DENND2B: variants seen among roughly 807,000 people sequenced by gnomAD.
DENND2B encodes the protein DENN domain-containing protein 2B.
A neutral mutation model predicts 116.0 loss-of-function variants in DENND2B; 32 were observed. The observed-to-expected ratio is 0.28, with a 90% CI of 0.21 to 0.37. DENND2B has a LOEUF of 0.37. Among genes scored for constraint, DENND2B ranks in the 10% least tolerant of loss-of-function variants. DENND2B has a pLI of 1.00. For missense variants in DENND2B, 1,276 were observed against 1,477.7 expected (o/e 0.86, Z 2.24); for synonymous variants, 588 against 583.9 (o/e 1.01, Z -0.10).
rs545409577 is a variant in DENND2B, at chr11:8,726,149, A to G, written c.1401T>C (p.Thr467=). 1.8e-4 allele frequency: 288 copies of G among 1,614,086 alleles called. 5 individuals carry two copies. The South Asian group carries it at 3.0e-3, about 17-fold the overall frequency. The part of the protein sequence containing the change: ...SLQSLYPSSP[T]ENGTENQPKF... ...TGGGTTGGTTCTCAGTACCATTCTC[A>G]GTGGGAGAAGAGGGGTACAGGGACT... is the stretch of plus-strand genomic sequence containing the variant. Residue 467 remains threonine, a synonymous_variant, in exon 4 of 20, where the codon ACT becomes ACC. Transcript: ENST00000313726.
At chr11:8,785,151 C>T (rs1292338932) in intron 1 of DENND2B, 1 of 152,144 alleles carries the variant, frequency 6.6e-6, no homozygotes, top group African/African-American at 2.4e-5. Flanking sequence ...TACTTTTACC[C>T]CTAGGCTTTT....
At chr11:8,848,941 A>G (rs2062903456) in intron 3 of DENND2B, among the ~76,000 whole-genome samples, 1 of 152,150 alleles carries the variant, frequency 6.6e-6, no homozygotes, top group Non-Finnish European at 1.5e-5. Context: ...TATCCAGGGA[A>G]ATATCCATGA....
chr11:8,840,729 C>G (rs572782243), intron 3 of DENND2B, among the ~76,000 whole-genome samples: 269 of 152,278 alleles, frequency 1.8e-3, no homozygotes, highest in Non-Finnish European at 2.9e-3. Context: ...GTATCCAGCC[C>G]CACCCCACAT....
At chr11:8,874,745 AC>A (rs2063824364), upstream of DENND2B, among the ~76,000 whole-genome samples, 2 of 149,934 alleles carry the variant, frequency 1.3e-5, no homozygotes, top group African/African-American at 4.9e-5. Flanking sequence ...ACATAGTGAG[AC>A]CCCAGTCTTT....
upstream of DENND2B, among the ~76,000 whole-genome samples, chr11:8,875,958 A>G (rs1036499743): frequency 1.3e-5 from 2 of 152,154 alleles, no homozygotes; most frequent in Non-Finnish European, 2.9e-5. Context: ...AATAAATTAC[A>G]TGAGATATTC....
chr11:8,730,102 G>C lies in DENND2B; in HGVS notation c.1188C>G (p.Tyr396Ter). ...TACTCTTGGGGTTCTTGTCAGCCTC[G>C]TATTCAAAGGTGCGCTTGGGTTTGG... ...PVPKPKRTFE[Y>*]EADKNPKSKP... The change falls in exon 3 of 20, where the codon TAC becomes TAG. Residue 396 changes from tyrosine (Y) to a stop codon, truncating the protein, a stop_gained. Coordinates refer to ENST00000313726, the MANE Select transcript of DENND2B (RefSeq NM_213618.2). LOFTEE classifies it high-confidence loss of function. This position sits in a 1 kb window ranked among gnomAD's most constrained non-coding sequence, Gnocchi z 4.1. 1 of 1,614,212 alleles carries C rather than the reference G, an allele frequency of 6.2e-7. No individual in the cohort carries two copies. Among genetic ancestry groups the C allele is most frequent in the Non-Finnish European group, 8.5e-7 (1 of 1,180,034 alleles).
At chr11:8,737,949 A>G (rs1036066425) in intron 2 of DENND2B, among the ~76,000 whole-genome samples, 30 of 149,016 alleles carry the variant, frequency 2.0e-4, no homozygotes, top group Non-Finnish European at 4.4e-4. Context: ...GGGTCTCACT[A>G]TGTTGCCCAG....
At chr11:8,824,096 G>A (rs544749529) in intron 4 of DENND2B, among the ~76,000 whole-genome samples, 19 of 152,010 alleles carry the variant, frequency 1.2e-4, no homozygotes, top group African/African-American at 4.6e-4. Context: ...TAGAGGTGGG[G>A]TTTCACCGTG....
rs75683461 is a variant in DENND2B at position 8,776,232 on chromosome 11, C to T, written c.-25-25507G>A. ...ACACCTTCTGCTCCAAACATGTCCACGTGTCCATTTCTGCCCCATGTTTCT... is the reference window on the plus strand; with the variant it reads ...ACACCTTCTGCTCCAAACATGTCCATGTGTCCATTTCTGCCCCATGTTTCT... On this transcript the variant is annotated intron_variant, in intron 1 of 19. Transcript: ENST00000313726. The T allele has an allele frequency of 1.1e-3, 506 of 456,118 alleles. 2 individuals carry two copies. The highest frequency in any genetic ancestry group is 1.9e-3 in the Non-Finnish European group (438 of 226,930). 28.3% of individuals were successfully genotyped at this position (456,118 alleles called of 1,614,324 possible).
chr11:8,897,900 A>G (rs1594355814), intron 1 of DENND2B, among the ~76,000 whole-genome samples: 1 of 152,132 alleles, frequency 6.6e-6, no homozygotes, highest in African/African-American at 2.4e-5. Context: ...ATCCTCCCAC[A>G]GTTAGGACCA....
In DENND2B at chr11:8,707,549, CAG is replaced by C. The variant is rs538565266; in HGVS notation, c.2430+226_2430+227del. 1.5e-4 allele frequency among the ~76,000 whole-genome samples: 23 copies of C among 152,360 alleles called. No homozygotes were observed. The East Asian group carries it at 3.9e-3, about 26-fold the overall frequency. On this transcript the variant is annotated intron_variant, in intron 12 of 19. Coordinates refer to ENST00000313726, the MANE Select transcript of DENND2B (RefSeq NM_213618.2). The surrounding 1 kb of genome is among the most constrained non-coding windows in gnomAD (Gnocchi z 4.8). ...GCCTAGGGCCCAGGGTGGGCTGTGA[CAG>C]GGGCAGACACTGCCAGCACAGGAGC... is the stretch of plus-strand genomic sequence containing the variant.
At chr11:8,908,995 T>C (rs891933237) in intron 1 of DENND2B, among the ~76,000 whole-genome samples, 3 of 152,174 alleles carry the variant, frequency 2.0e-5, no homozygotes, top group African/African-American at 7.2e-5. Flanking sequence ...TCAAGGGCTA[T>C]TTTTAGTCCT....
chr11:8,729,329 T>C (rs545406887), intron 3 of DENND2B, among the ~76,000 whole-genome samples: 1 of 152,228 alleles, frequency 6.6e-6, no homozygotes, highest in African/African-American at 2.4e-5. Context: ...GGGTTAGAAA[T>C]CCTGAGACTG....
In DENND2B at chr11:8,730,898, C is replaced by A; in HGVS notation, c.392G>T (p.Cys131Phe). The A allele has an allele frequency of 6.2e-7, 1 of 1,614,058 alleles. No homozygotes were observed. Residue 131 changes from cysteine (C) to phenylalanine (F), a missense_variant, in exon 3 of 20, where the codon TGC becomes TTC. By Grantham distance (205) the Cys-to-Phe change is radical (BLOSUM62 -2). Coordinates refer to ENST00000313726, the MANE Select transcript of DENND2B (RefSeq NM_213618.2). The surrounding 1 kb of genome is among the most constrained non-coding windows in gnomAD (Gnocchi z 4.1). ...TGGCGTGCTCTGGGCAAGGGGGAGG[C>A]AGGCAGCGACCCCTGCTACATCCTG... ...AAQDVAGVAACLPLAQSTPFP... is the reference protein window; with the variant it reads ...AAQDVAGVAAFLPLAQSTPFP...
intron 15 of DENND2B, 61 bp from the exon 16 acceptor site, chr11:8,699,035 A>G: frequency 6.2e-7 from 1 of 1,601,432 alleles, no homozygotes; most frequent in South Asian, 1.1e-5. Context: ...GCCCTCTGCC[A>G]GGCCTCCAGA....
At chr11:8,891,834 G>A (rs1475975584) in intron 1 of DENND2B, among the ~76,000 whole-genome samples, 3 of 151,922 alleles carry the variant, frequency 2.0e-5, no homozygotes, top group East Asian at 1.9e-4. Context: ...CAGATCAACG[G>A]GACAGAAAGT....
intron 1 of DENND2B, among the ~76,000 whole-genome samples, chr11:8,751,565 A>G (rs991255408): frequency 6.6e-6 from 1 of 151,272 alleles, no homozygotes; most frequent in Non-Finnish European, 1.5e-5. Flanking sequence ...CGAGACCACG[A>G]ACCTACCAGA....
At chr11:8,882,376 C>T (rs1335582273) in intron 1 of DENND2B, among the ~76,000 whole-genome samples, 1 of 152,206 alleles carries the variant, frequency 6.6e-6, no homozygotes, top group Non-Finnish European at 1.5e-5. Context: ...CCTTGGCACC[C>T]AAGGCTCACT....
chr11:8,820,110 C>T (rs992255610), intron 4 of DENND2B, among the ~76,000 whole-genome samples: 5 of 152,150 alleles, frequency 3.3e-5, no homozygotes, highest in African/African-American at 7.2e-5. Context: ...AAAGTATTTA[C>T]CCTACACCCA....
Sources: gnomAD v4.1 joint callset for allele counts (sites outside exome capture counted in the v4.1 genomes callset) on GRCh38, gnomAD v4.1.1 for gene constraint, Gnocchi (gnomAD v3.1) non-coding constraint, MANE v1.5 for transcripts, NCBI Gene and HGNC (gene_info 2026-07-23, HGNC 2026-07-21) for gene names.